The following COPG2 variants were observed in gnomAD, a reference collection of about 807,000 sequenced individuals.
The protein encoded by COPG2 is coat protein complex I subunit gamma 2.
A neutral mutation model predicts 46.3 loss-of-function variants in COPG2; 37 were observed. That is an observed-to-expected ratio of 0.80 (90% confidence interval 0.61 to 1.05). The LOEUF is 1.05. COPG2 is among the 50% of genes least tolerant of loss of function. The probability of loss-of-function intolerance (pLI) is 0.00; values close to 1 mark genes in which losing one functional copy is unlikely to be tolerated. For missense variants in COPG2, 427 were observed against 387.8 expected (o/e 1.10, Z -0.85); for synonymous variants, 159 against 129.7 (o/e 1.23, Z -1.53).
At chr7:130,617,317 G>C (rs1168158827) in intron 5 of COPG2, among the ~76,000 whole-genome samples, 1 of 152,134 alleles carries the variant, frequency 6.6e-6, no homozygotes, top group African/African-American at 2.4e-5. Flanking sequence ...ATCATTCTGG[G>C]AGGAAGAAAG....
intron 10 of COPG2, among the ~76,000 whole-genome samples, chr7:130,563,755 C>CAAAAAAAAA (rs1239944614): frequency 7.9e-5 from 7 of 89,006 alleles, no homozygotes; most frequent in East Asian, 3.1e-4. Context: ...GACTCCGTCT[C>CAAAAAAAAA]AAAAAAAAAA....
chr7:130,569,096 A>G lies in COPG2; in HGVS notation c.738-4703T>C, dbSNP rs977126434. ...TCATACTACTAAATGCCTACACCAA[A>G]AAGTCTGAAAGAGCATAAATAGATG... On this transcript the variant is annotated intron_variant, in intron 9 of 23. Transcript: ENST00000425248. Among the ~76,000 whole-genome samples the G allele has an allele frequency of 4.7e-3, 723 of 152,288 alleles. 4 individuals are homozygous for G. Among genetic ancestry groups the G allele is most frequent in the Non-Finnish European group, 6.6e-3 (450 of 68,024 alleles).
rs1225846083 is a variant in COPG2, at chr7:130,552,360, T to C, written c.1539A>G (p.Leu513=). 1.0e-5 allele frequency: 4 copies of C among 398,238 alleles called. No individual in the cohort carries two copies. The highest frequency in any genetic ancestry group is 1.8e-5 in the Non-Finnish European group (4 of 225,916). The allele number at this position is 398,238 out of a possible 1,614,324, so 24.7% of individuals were successfully genotyped here. ...ESLLPSILVL[L]QRCMMDTDDE... ...AAAGACATTATTTAACTTACCTCTG[T>C]AAGAGTACAAGGATGCTTGGGAGAA... The change falls in exon 15 of 24, where the codon TTA becomes TTG. Residue 513 remains leucine, a synonymous_variant. Coordinates refer to ENST00000425248, the MANE Select transcript of COPG2 (RefSeq NM_012133.6).
intron 5 of COPG2, among the ~76,000 whole-genome samples, chr7:130,646,858 C>T (rs975718897): frequency 7.9e-5 from 12 of 151,214 alleles, no homozygotes; most frequent in African/African-American, 1.9e-4. Context: ...CCCAGCCACG[C>T]GGAACTGTGA....
rs943623243 is a variant in COPG2, at chr7:130,550,949, G to A, written c.1648+292C>T. On this transcript the variant is annotated intron_variant, in intron 16 of 23. Coordinates refer to ENST00000425248, the MANE Select transcript of COPG2 (RefSeq NM_012133.6). The stretch of plus-strand genomic sequence containing the variant: ...GGGAACAATGATAGCATAAGAAAAC[G>A]GGAAAAATGTAAACCCATCCAAGAG... Among the ~76,000 whole-genome samples the A allele has an allele frequency of 3.3e-3, 507 of 152,124 alleles. 2 individuals are homozygous for A. The highest frequency in any genetic ancestry group is 0.012 in the African/African-American group (490 of 41,500).
At chr7:130,560,421 T>G (rs1451819783) in intron 12 of COPG2, among the ~76,000 whole-genome samples, 1 of 152,154 alleles carries the variant, frequency 6.6e-6, no homozygotes, top group African/African-American at 2.4e-5. Flanking sequence ...CCAAATTGAT[T>G]TATAGATTCA....
rs1024657942 is a variant in COPG2, at chr7:130,528,850, C to T, written c.2149+18824G>A. On this transcript the variant is annotated intron_variant, in intron 20 of 23. Transcript: ENST00000425248. ...ATGCCAGGCGCCAAGAGGGAGGGAG[C>T]GGATGCAGAGAATCCAGGGACTTTA... Among the ~76,000 whole-genome samples, 75 of 151,924 alleles carry T rather than the reference C, an allele frequency of 4.9e-4. 2 individuals are homozygous for T. The East Asian group carries it at 6.8e-3, about 14-fold the overall frequency.
intron 5 of COPG2, among the ~76,000 whole-genome samples, chr7:130,627,063 C>T (rs73724346): frequency 0.15 from 22,274 of 152,076 alleles, 3,001 homozygotes; most frequent in African/African-American, 0.36. Flanking sequence ...TACGTATTTT[C>T]CTTATTTGGT....
chr7:130,663,255 G>A (rs1036347449), intron 3 of COPG2, among the ~76,000 whole-genome samples: 6 of 152,054 alleles, frequency 3.9e-5, no homozygotes, highest in Admixed American at 6.5e-5. Context: ...ATTCAGTATC[G>A]CATACCATGC....
intron 20 of COPG2, among the ~76,000 whole-genome samples, chr7:130,528,489 G>A (rs1461695350): frequency 1.3e-5 from 2 of 151,996 alleles, no homozygotes; most frequent in Non-Finnish European, 2.9e-5. Flanking sequence ...CGGAGCAGCG[G>A]GTGCGGGGCC....
At chr7:130,607,480 C>T (rs374969425) in intron 9 of COPG2, 184 of 440,306 alleles carry the variant, frequency 4.2e-4, no homozygotes, top group African/African-American at 3.2e-3. Context: ...CTCTAGAACT[C>T]ATGGAGTTTC....
intron 4 of COPG2, 56 bp downstream of exon 4, chr7:130,662,911 G>A: frequency 2.9e-6 from 3 of 1,047,738 alleles, no homozygotes; most frequent in South Asian, 1.4e-5. Context: ...TTAGTTCCCT[G>A]GGGAAAATAA....
intron 12 of COPG2, among the ~76,000 whole-genome samples, chr7:130,560,751 G>C (rs1001153827): frequency 2.0e-5 from 3 of 152,150 alleles, no homozygotes; most frequent in African/African-American, 7.2e-5. Flanking sequence ...GAATACAGTA[G>C]ATATAGGTAT....
At chr7:130,552,573 T>G in intron 14 of COPG2, 143 bp from the exon 15 acceptor site, 1 of 392,442 alleles carries the variant, frequency 2.5e-6, no homozygotes, top group Non-Finnish European at 4.5e-6. Context: ...TTGATCTTAT[T>G]TCTTTGATAC....
intron 12 of COPG2, among the ~76,000 whole-genome samples, chr7:130,559,217 A>C (rs1219888145): frequency 6.6e-6 from 1 of 152,200 alleles, no homozygotes; most frequent in Non-Finnish European, 1.5e-5. Context: ...TAAAAATCCT[A>C]AAGAAAATGC....
At chr7:130,535,379 G>A (rs1799868492) in intron 20 of COPG2, among the ~76,000 whole-genome samples, 1 of 151,942 alleles carries the variant, frequency 6.6e-6, no homozygotes, top group African/African-American at 2.4e-5. Flanking sequence ...AAAGCGTGGT[G>A]GAAGGGAGCT....
chr7:130,545,699 C>T (rs2116377832), intron 20 of COPG2, among the ~76,000 whole-genome samples: 1 of 152,196 alleles, frequency 6.6e-6, no homozygotes, highest in African/African-American at 2.4e-5. Context: ...AAATGCCAAA[C>T]TTTTATAAAC....
chr7:130,611,647 G>C (rs957155177), intron 8 of COPG2, among the ~76,000 whole-genome samples: 1 of 152,066 alleles, frequency 6.6e-6, no homozygotes, highest in African/African-American at 2.4e-5. Context: ...AACATCAAGA[G>C]GGCATAAACG....
In COPG2 at chr7:130,618,100, C is replaced by CCAAAAAAA. The variant is rs570832787; in HGVS notation, c.324-1036_324-1035insTTTTTTTG. Among the ~76,000 whole-genome samples, 40 of 64,602 alleles carry CCAAAAAAA rather than the reference C, an allele frequency of 6.2e-4. No homozygotes were observed. The East Asian group carries it at 0.017, about 27-fold the overall frequency. 42.4% of individuals were successfully genotyped at this position (64,602 alleles called of 152,430 possible). ...TGGGTGACAGAGTGAGACCCTGTCT[C>CCAAAAAAA]AAAAAAAAAAAAAAAAAAAGACTTT... On this transcript the variant is annotated intron_variant, in intron 5 of 23. Transcript: ENST00000425248.
Sources: gnomAD v4.1 joint callset for allele counts (sites outside exome capture counted in the v4.1 genomes callset) on GRCh38, gnomAD v4.1.1 for gene constraint, MANE v1.5 for transcripts, NCBI Gene and HGNC (gene_info 2026-07-23, HGNC 2026-07-21) for gene names.